Variants in LINGO2 observed in about 807,000 individuals in gnomAD.
The protein encoded by LINGO2 is leucine rich repeat and Ig domain containing 2.
In LINGO2, 14 loss-of-function variants were observed where a neutral mutation model predicts 30.6. The ratio of observed to expected loss-of-function variants is 0.46; its 90% CI spans 0.30 to 0.72. The LOEUF is 0.72. Ranked by LOEUF, LINGO2 falls within the 30% of genes least tolerant of loss-of-function variation. The pLI is 0.07. For missense variants in LINGO2, 729 were observed against 751.7 expected, an observed-to-expected ratio of 0.97 and a Z score of 0.35; for synonymous variants, 317 against 288.5, an observed-to-expected ratio of 1.10 and a Z score of -1.00.
intron 5 of LINGO2, among the ~76,000 whole-genome samples, chr9:27,998,127 G>A (rs884878): frequency 0.25 from 37,529 of 152,072 alleles, 5,285 homozygotes; most frequent in East Asian, 0.39. Flanking sequence ...GGTAAGGTCT[G>A]TTTCTCTTGC....
chr9:28,788,372 G>A, the LINGO2 span, among the ~76,000 whole-genome samples: 1 of 152,156 alleles, frequency 6.6e-6, no homozygotes. Flanking sequence ...AGATTGTTCT[G>A]ATATTGATAA....
chr9:28,306,300 A>G (rs1452550455), intron 3 of LINGO2, among the ~76,000 whole-genome samples: 2 of 152,160 alleles, frequency 1.3e-5, no homozygotes, highest in African/African-American at 4.8e-5. Flanking sequence ...GAAAGGAAAG[A>G]AGGATGGAAG....
chr9:29,110,506 G>A, the LINGO2 span, among the ~76,000 whole-genome samples: 2 of 150,310 alleles, frequency 1.3e-5, no homozygotes, highest in African/African-American at 4.9e-5. Flanking sequence ...CTAATTTTTT[G>A]TATTTTTAAT....
chr9:28,563,026 T>A (rs957115285), intron 1 of LINGO2, among the ~76,000 whole-genome samples: 1 of 152,032 alleles, frequency 6.6e-6, no homozygotes, highest in African/African-American at 2.4e-5. Context: ...TTTGTATTTT[T>A]AGTAGAGATG....
chr9:29,015,894 A>C, the LINGO2 span, among the ~76,000 whole-genome samples: 3 of 152,152 alleles, frequency 2.0e-5, no homozygotes, highest in Non-Finnish European at 4.4e-5. Context: ...TTTCTAATGC[A>C]CATCAAAATT....
the LINGO2 span, among the ~76,000 whole-genome samples, chr9:28,796,814 T>G: frequency 1.3e-5 from 2 of 151,994 alleles, no homozygotes; most frequent in African/African-American, 4.8e-5. Flanking sequence ...CTGGGATGCA[T>G]CCAATATAAT....
Position 27,950,514 on chromosome 9 carries a change from T to TC in LINGO2, c.157dup (p.Glu53GlyfsTer14), listed in dbSNP as rs1384341910. 1 of 1,584,424 alleles carries TC rather than the reference T, an allele frequency of 6.3e-7. No homozygotes were observed. The stretch of plus-strand genomic sequence containing the variant: ...GATTTTGGTTTCGATGGGAATGCCC[T>TC]CTGGGATGGCGATCAATCGCCTTCT... On this transcript the variant is annotated frameshift_variant, in exon 6 of 6. Transcript: ENST00000379992. LOFTEE classifies it high-confidence loss of function.
the LINGO2 span, among the ~76,000 whole-genome samples, chr9:28,693,115 G>A: frequency 5.9e-5 from 9 of 151,894 alleles, no homozygotes; most frequent in South Asian, 1.0e-3. Flanking sequence ...CTAACCTCCC[G>A]GGCACTTTTC....
chr9:28,572,258 C>T (rs1421651382), intron 1 of LINGO2, among the ~76,000 whole-genome samples: 1 of 152,012 alleles, frequency 6.6e-6, no homozygotes, highest in African/African-American at 2.4e-5. Context: ...TAACACTATC[C>T]TTGGATTATA....
At chr9:29,096,372 A>G in the LINGO2 span, among the ~76,000 whole-genome samples, 14 of 139,266 alleles carry the variant, frequency 1.0e-4, 2 homozygotes, top group Non-Finnish European at 1.4e-4. Flanking sequence ...TGCAATGTCC[A>G]CCTCCTGGGC....
At chr9:28,639,590 CT>C (rs1385747783) in intron 1 of LINGO2, among the ~76,000 whole-genome samples, 1 of 152,066 alleles carries the variant, frequency 6.6e-6, no homozygotes, top group East Asian at 1.9e-4. Flanking sequence ...TTCTTTGTCT[CT>C]TTTGATCTTT....
chr9:28,522,752 T>C (rs955209826), intron 1 of LINGO2, among the ~76,000 whole-genome samples: 2 of 152,106 alleles, frequency 1.3e-5, no homozygotes, highest in Non-Finnish European at 2.9e-5. Context: ...TACAGAGCAT[T>C]CGAAATTTGT....
the LINGO2 span, among the ~76,000 whole-genome samples, chr9:29,012,496 T>C: frequency 6.6e-6 from 1 of 152,230 alleles, no homozygotes; most frequent in Non-Finnish European, 1.5e-5. Context: ...ATTTAACCTC[T>C]ACAGCAGAAC....
At chr9:28,566,196 A>T (rs1041948720) in intron 1 of LINGO2, among the ~76,000 whole-genome samples, 7 of 152,144 alleles carry the variant, frequency 4.6e-5, no homozygotes, top group Non-Finnish European at 1.0e-4. Context: ...AGGTTTCTGC[A>T]ACAAAGGGGA....
At chr9:28,931,721 T>C in the LINGO2 span, among the ~76,000 whole-genome samples, 1 of 152,238 alleles carries the variant, frequency 6.6e-6, no homozygotes, top group Middle Eastern at 3.4e-3. Context: ...GTTTAGCAAA[T>C]ATAGTAGTTT....
chr9:28,855,223 A>G, the LINGO2 span, among the ~76,000 whole-genome samples: 1 of 151,972 alleles, frequency 6.6e-6, no homozygotes, highest in Non-Finnish European at 1.5e-5. Flanking sequence ...AAGGATGTAA[A>G]TAAGAAGCAG....
At chr9:28,428,279 A>G (rs1823495139) in intron 2 of LINGO2, among the ~76,000 whole-genome samples, 1 of 152,120 alleles carries the variant, frequency 6.6e-6, no homozygotes, top group East Asian at 1.9e-4. Flanking sequence ...GATATTTGAG[A>G]GGATTCTTTG....
intron 3 of LINGO2, among the ~76,000 whole-genome samples, chr9:28,327,964 G>C (rs1224698895): frequency 6.6e-6 from 1 of 152,192 alleles, no homozygotes; most frequent in Non-Finnish European, 1.5e-5. Context: ...TTATGTGAAA[G>C]TACAACATAC....
chr9:29,099,638 C>G, the LINGO2 span, among the ~76,000 whole-genome samples: 1 of 152,116 alleles, frequency 6.6e-6, no homozygotes, highest in Non-Finnish European at 1.5e-5. Context: ...AAAAGATGCT[C>G]AACATCATTG....
Sources: allele counts gnomAD v4.1 joint callset (sites outside exome capture counted in the v4.1 genomes callset), GRCh38; gene constraint gnomAD v4.1.1; transcripts MANE v1.5; gene names NCBI Gene and HGNC (gene_info 2026-07-23, HGNC 2026-07-21).